The following ARNT2 variants were observed in gnomAD, a reference collection of about 807,000 sequenced individuals.
ARNT2 encodes the protein ARNT protein 2.
Under a neutral mutation model 91.7 loss-of-function variants are expected in ARNT2, and 36 were observed. The ratio of observed to expected loss-of-function variants is 0.39; its 90% CI spans 0.30 to 0.52. ARNT2 has a LOEUF of 0.52. Among genes scored for constraint, ARNT2 ranks in the 20% least tolerant of loss-of-function variants. ARNT2 has a pLI of 0.72. For synonymous variants in ARNT2, 365 were observed against 347.1 expected (o/e 1.05, Z -0.57); for missense variants, 775 against 939.3 (o/e 0.83, Z 2.29).
At chr15:80,482,396 G>T (rs983425110) in intron 5 of ARNT2, among the ~76,000 whole-genome samples, 1 of 151,716 alleles carries the variant, frequency 6.6e-6, no homozygotes. Context: ...AGAACCATTT[G>T]TTGTCTGGGG....
chr15:80,471,783 G>A (rs1896734579), intron 4 of ARNT2, among the ~76,000 whole-genome samples: 1 of 152,166 alleles, frequency 6.6e-6, no homozygotes, highest in Non-Finnish European at 1.5e-5. Context: ...GAGGAGCCAA[G>A]ATTGGGTCCA....
At chr15:80,423,776 C>CAGAGAGAGAGAGAGAG (rs3054951) in intron 1 of ARNT2, among the ~76,000 whole-genome samples, 4 of 148,510 alleles carry the variant, frequency 2.7e-5, no homozygotes, top group South Asian at 4.3e-4. Context: ...GAGAAAGAGG[C>CAGAGAGAGAGAGAGAG]AGAGAGAGAG....
chr15:80,494,607 GTGA>G (rs1028156632), intron 5 of ARNT2, among the ~76,000 whole-genome samples: 60 of 152,322 alleles, frequency 3.9e-4, no homozygotes, highest in African/African-American at 1.4e-3. Context: ...GGACTGTGGG[GTGA>G]TGATTTTATA....
intron 1 of ARNT2, among the ~76,000 whole-genome samples, chr15:80,448,801 G>C (rs1257157513): frequency 2.0e-5 from 3 of 152,148 alleles, no homozygotes; most frequent in Non-Finnish European, 4.4e-5. Context: ...GGCTAACACG[G>C]TGAAACCCCA....
chr15:80,540,512 A>G (rs1555412670), intron 8 of ARNT2, among the ~76,000 whole-genome samples: 1 of 152,026 alleles, frequency 6.6e-6, no homozygotes, highest in Non-Finnish European at 1.5e-5. Context: ...TTCAATTTTT[A>G]TTTTAGATTC....
intron 1 of ARNT2, among the ~76,000 whole-genome samples, chr15:80,415,661 G>C (rs889361528): frequency 2.0e-5 from 3 of 152,216 alleles, no homozygotes; most frequent in African/African-American, 7.2e-5. Flanking sequence ...AACATTGGAT[G>C]TGGACAGCAA....
intron 1 of ARNT2, among the ~76,000 whole-genome samples, chr15:80,437,287 G>T (rs147026626): frequency 6.6e-6 from 1 of 152,084 alleles, no homozygotes; most frequent in Admixed American, 6.5e-5. Flanking sequence ...GCTGGTGGCG[G>T]TGTCTCCCCC....
intron 4 of ARNT2, among the ~76,000 whole-genome samples, chr15:80,474,019 A>AC (rs1896767235): frequency 6.6e-6 from 1 of 152,192 alleles, no homozygotes; most frequent in South Asian, 2.1e-4. Flanking sequence ...GCCATGGATT[A>AC]CAGTGTCTAG....
chr15:80,445,588 T>TG (rs1350547286), intron 1 of ARNT2, among the ~76,000 whole-genome samples: 1 of 151,508 alleles, frequency 6.6e-6, no homozygotes, highest in Non-Finnish European at 1.5e-5. Context: ...AGGAGGTGGG[T>TG]GGGAGACAGG....
chr15:80,490,682 T>C (rs1434755808), intron 5 of ARNT2, among the ~76,000 whole-genome samples: 2 of 152,244 alleles, frequency 1.3e-5, no homozygotes, highest in Admixed American at 1.3e-4. Flanking sequence ...CAACTAGGGC[T>C]TGGCCACCAG....
chr15:80,562,240 G>A (rs374649141), intron 11 of ARNT2, among the ~76,000 whole-genome samples: 24 of 152,094 alleles, frequency 1.6e-4, no homozygotes, highest in South Asian at 4.2e-4. Flanking sequence ...GCTGGTTTTC[G>A]TATTTTTAGT....
chr15:80,504,895 A>G (rs1247952391), intron 5 of ARNT2, among the ~76,000 whole-genome samples: 2 of 152,082 alleles, frequency 1.3e-5, no homozygotes, highest in Non-Finnish European at 2.9e-5. Flanking sequence ...GGGCAGCAGC[A>G]GGGGCCTGCG....
At position 80,515,433 on chromosome 15, in the gene ARNT2, T is replaced by C. The variant is rs149224302; in HGVS notation, c.877+1028T>C. 6.9e-4 allele frequency among the ~76,000 whole-genome samples: 105 copies of C among 152,368 alleles called. 1 individual carries two copies. The East Asian group carries it at 0.013, about 18-fold the overall frequency. On this transcript the variant is annotated intron_variant, in intron 8 of 18. Transcript: ENST00000303329. Reference sequence around the variant, plus strand: ...AGCAATGAAGTATTGATACATGCTATATTATGGACAAATCTTAAAAATGTC... The same window carrying C: ...AGCAATGAAGTATTGATACATGCTACATTATGGACAAATCTTAAAAATGTC...
chr15:80,404,399 T>A lies in ARNT2; in HGVS notation c.-117T>A. 1.8e-6 allele frequency: 1 copy of A among 545,694 alleles called. No individual in the cohort carries two copies. Among genetic ancestry groups the A allele is most frequent in the Non-Finnish European group, 2.4e-6 (1 of 421,500 alleles). 33.8% of individuals were successfully genotyped at this position (545,694 alleles called of 1,614,324 possible). A position where few individuals can be genotyped will look rare whatever the true frequency, so the allele number is the denominator to read the frequency against. ...GAGGGAGCGCCGCCCGCCCGCGCCG[T>A]CCTTTGTGTGGCGGCGGCGGCGCCT... is the stretch of plus-strand genomic sequence containing the variant. On this transcript the variant is annotated 5_prime_UTR_variant, in exon 1 of 19. Coordinates refer to ENST00000303329, the MANE Select transcript of ARNT2 (RefSeq NM_014862.4). The surrounding 1 kb of genome is among the most constrained non-coding windows in gnomAD (Gnocchi z 5.5).
intron 1 of ARNT2, among the ~76,000 whole-genome samples, chr15:80,419,333 C>A (rs1206170168): frequency 3.3e-5 from 5 of 152,204 alleles, no homozygotes; most frequent in African/African-American, 1.2e-4. Flanking sequence ...CCAGTACTAT[C>A]CAATGCCAGC....
intron 12 of ARNT2, among the ~76,000 whole-genome samples, chr15:80,564,990 T>C (rs774369466): frequency 2.6e-5 from 4 of 151,886 alleles, no homozygotes; most frequent in Non-Finnish European, 5.9e-5. Context: ...AGTGGCACTA[T>C]GGGCTCATTG....
At chr15:80,507,808 G>A (rs548784947) in intron 5 of ARNT2, among the ~76,000 whole-genome samples, 11 of 152,340 alleles carry the variant, frequency 7.2e-5, no homozygotes, top group African/African-American at 1.7e-4. Context: ...AAGGAAAAAC[G>A]TGTTTTAGAT....
chr15:80,412,063 C>G lies in ARNT2; in HGVS notation c.31+7517C>G, dbSNP rs568654618. On this transcript the variant is annotated intron_variant, in intron 1 of 18. Coordinates refer to ENST00000303329, the MANE Select transcript of ARNT2 (RefSeq NM_014862.4). ...GCATTCAGGAAGGCAGCAACAAGGTCAAAAGATGCATTCATTGCCCTCTGA... is the reference window on the plus strand; with the variant it reads ...GCATTCAGGAAGGCAGCAACAAGGTGAAAAGATGCATTCATTGCCCTCTGA... Among the ~76,000 whole-genome samples the G allele has an allele frequency of 5.9e-5, 9 of 152,310 alleles. No individual in the cohort carries two copies. In the East Asian group the frequency reaches 1.5e-3, roughly 26 times the overall value.
intron 1 of ARNT2, among the ~76,000 whole-genome samples, chr15:80,433,493 C>G (rs1402418482): frequency 1.3e-5 from 2 of 151,844 alleles, no homozygotes; most frequent in African/African-American, 4.8e-5. Context: ...ACCATGTTGT[C>G]CAGACTGGAC....
Sources: allele counts gnomAD v4.1 joint callset (sites outside exome capture counted in the v4.1 genomes callset), GRCh38; gene constraint gnomAD v4.1.1; non-coding constraint Gnocchi (gnomAD v3.1); transcripts MANE v1.5; gene names NCBI Gene and HGNC (gene_info 2026-07-23, HGNC 2026-07-21).